Variants in SDK2 observed in about 807,000 individuals in gnomAD.
SDK2 encodes protein sidekick-2.
SDK2 carries 105 observed loss-of-function variants against 253.9 expected under a neutral mutation model. That is an observed-to-expected ratio of 0.41 (90% CI 0.35 to 0.49). The LOEUF (loss-of-function observed/expected upper bound fraction) is 0.49. Ranked by LOEUF, SDK2 falls within the 20% of genes least tolerant of loss-of-function variation. The probability of loss-of-function intolerance (pLI) is 0.06; values close to 1 mark genes in which losing one functional copy is unlikely to be tolerated. For synonymous variants in SDK2, 1,249 were observed against 1,234.9 expected (o/e 1.01, Z -0.24); for missense variants, 2,608 against 3,003.0 (o/e 0.87, Z 3.07).
chr17:73,581,720 C>A (rs924441546), intron 1 of SDK2, among the ~76,000 whole-genome samples: 1 of 152,256 alleles, frequency 6.6e-6, no homozygotes, highest in African/African-American at 2.4e-5. Context: ...GGGGAGGCAG[C>A]CCCTCTTCTG....
At chr17:73,577,078 G>C (rs886220597) in intron 1 of SDK2, among the ~76,000 whole-genome samples, 7 of 152,226 alleles carry the variant, frequency 4.6e-5, no homozygotes, top group Non-Finnish European at 8.8e-5. Context: ...GTCCAGGCTA[G>C]AGAAAGGACA....
chr17:73,491,019 T>G (rs1264650163), intron 2 of SDK2, among the ~76,000 whole-genome samples: 1 of 152,224 alleles, frequency 6.6e-6, no homozygotes, highest in Non-Finnish European at 1.5e-5. Context: ...CTTCTAGATT[T>G]TGTGCTCTTA....
chr17:73,390,448 G>T lies in SDK2; in HGVS notation c.4031C>A (p.Thr1344Lys). 1 of 1,612,516 alleles carries T rather than the reference G, an allele frequency of 6.2e-7. No homozygotes were observed. Among genetic ancestry groups the T allele is most frequent in the Non-Finnish European group, 8.5e-7 (1 of 1,179,240 alleles). The change falls in exon 29 of 45, where the codon ACG becomes AAG. Residue 1344 changes from threonine (T) to lysine (K), a missense_variant. Thr to Lys is a moderately conservative substitution (Grantham distance 78). Transcript: ENST00000392650. The part of the protein sequence containing the change: ...YQITHRLNTT[T>K]ANTATVEVLA... ...CACCTCCACAGTGGCGGTGTTGGCC[G>T]TGGTGGTGTTGAGCCGGTGTGTGAT...
intron 1 of SDK2, among the ~76,000 whole-genome samples, chr17:73,637,062 T>C (rs1456468847): frequency 2.0e-5 from 3 of 152,182 alleles, no homozygotes; most frequent in Non-Finnish European, 2.9e-5. Flanking sequence ...ACTGATCCTA[T>C]ACATACCACT....
intron 1 of SDK2, among the ~76,000 whole-genome samples, chr17:73,627,069 T>G (rs904147694): frequency 6.6e-6 from 1 of 152,202 alleles, no homozygotes; most frequent in Non-Finnish European, 1.5e-5. Context: ...TTGTATATTT[T>G]GAACCAACTC....
intron 1 of SDK2, among the ~76,000 whole-genome samples, chr17:73,526,049 C>T (rs1345643826): frequency 6.6e-6 from 1 of 152,224 alleles, no homozygotes; most frequent in Non-Finnish European, 1.5e-5. Flanking sequence ...CATCTGGCTG[C>T]TGCGGAGGCA....
chr17:73,580,565 G>A (rs2045521180), intron 1 of SDK2, among the ~76,000 whole-genome samples: 1 of 152,238 alleles, frequency 6.6e-6, no homozygotes, highest in Non-Finnish European at 1.5e-5. Flanking sequence ...AAGCTCAGAG[G>A]GACCCGTGCT....
chr17:73,553,606 A>C (rs978716139), intron 1 of SDK2, among the ~76,000 whole-genome samples: 3 of 151,922 alleles, frequency 2.0e-5, no homozygotes, highest in Non-Finnish European at 4.4e-5. Context: ...GCCCAGGGTC[A>C]CCCCTGAGCC....
At chr17:73,416,199 ATTT>A (rs55713710) in intron 16 of SDK2, among the ~76,000 whole-genome samples, 1 of 120,312 alleles carries the variant, frequency 8.3e-6, no homozygotes, top group Non-Finnish European at 1.7e-5. Flanking sequence ...AATGAATTCA[ATTT>A]TTTTTTTTTT....
At position 73,609,973 on chromosome 17, in the gene SDK2, C is replaced by A. The variant is rs931867392; in HGVS notation, c.64+34052G>T. ...TGCGGAGCTCAGCCAGGCAGCTGCA[C>A]GGGAAACAGGTGTCCTGCTGAACAA... On this transcript the variant is annotated intron_variant, in intron 1 of 44. Coordinates refer to ENST00000392650, the MANE Select transcript of SDK2 (RefSeq NM_001144952.2). The surrounding 1 kb of genome is among the most constrained non-coding windows in gnomAD (Gnocchi z 4.4). 6.6e-6 allele frequency among the ~76,000 whole-genome samples: 1 copy of A among 152,210 alleles called. No individual in the cohort carries two copies. Among genetic ancestry groups the A allele is most frequent in the Admixed American group, 6.5e-5 (1 of 15,288 alleles).
Position 73,395,122 on chromosome 17 carries a change from G to C in SDK2, c.3592+33C>G, listed in dbSNP as rs1319684159. The stretch of plus-strand genomic sequence containing the variant: ...GGCATAGAGACCAAGGAGGGGACAG[G>C]CAGCAGGGTGGCTGGGTGTGAGGGG... On this transcript the variant is annotated intron_variant, in intron 25 of 44. Transcript: ENST00000392650. The surrounding 1 kb of genome is among the most constrained non-coding windows in gnomAD (Gnocchi z 4.3). The C allele has an allele frequency of 1.3e-6, 2 of 1,522,640 alleles. No individual in the cohort carries two copies. The highest frequency in any genetic ancestry group is 1.9e-5 in the Admixed American group (1 of 51,688). 94.3% of individuals were successfully genotyped at this position (1,522,640 alleles called of 1,614,324 possible).
Position 73,614,525 on chromosome 17 carries a change from C to T in SDK2, c.64+29500G>A, listed in dbSNP as rs777696626. Among the ~76,000 whole-genome samples, 122 of 134,974 alleles carry T rather than the reference C, an allele frequency of 9.0e-4. 1 individual carries two copies. The highest frequency in any genetic ancestry group is 6.0e-4 in the Admixed American group (7 of 11,740). The allele number at this position is 134,974 out of a possible 152,430, so 88.5% of individuals were successfully genotyped here. Reference sequence around the variant, plus strand: ...GACACTTTGTATGTTGGGTACACAGCGACACAAAGATGGGAACAAAAGACA... The same window carrying T: ...GACACTTTGTATGTTGGGTACACAGTGACACAAAGATGGGAACAAAAGACA... On this transcript the variant is annotated intron_variant, in intron 1 of 44. Transcript: ENST00000392650.
chr17:73,644,215 G>A lies in SDK2; in HGVS notation c.-127C>T. ...GTCAGTCTACGCGGCTCCGTGCCCCGGGGTGTAATATGCCCGGGAGGGGCA... is the reference window on the plus strand; with the variant it reads ...GTCAGTCTACGCGGCTCCGTGCCCCAGGGTGTAATATGCCCGGGAGGGGCA... On this transcript the variant is annotated 5_prime_UTR_variant, in exon 1 of 45. Coordinates refer to ENST00000392650, the MANE Select transcript of SDK2 (RefSeq NM_001144952.2). This position sits in a 1 kb window ranked among gnomAD's most constrained non-coding sequence, Gnocchi z 6.3. 1 of 760,844 alleles carries A rather than the reference G, an allele frequency of 1.3e-6. No homozygotes were observed. Among genetic ancestry groups the A allele is most frequent in the Non-Finnish European group, 2.2e-6 (1 of 453,090 alleles). The allele number at this position is 760,844 out of a possible 1,614,324, so 47.1% of individuals were successfully genotyped here. A position where few individuals can be genotyped will look rare whatever the true frequency, so the allele number is the denominator to read the frequency against.
rs904063781 is a variant in SDK2 at position 73,381,941 on chromosome 17, G to A, written c.4706-991C>T. ...AAAAAACAAAAAACAAAAGCCGGGC[G>A]CAGTGACTCATGCCTGTAATCCCAG... On this transcript the variant is annotated intron_variant, in intron 33 of 44. Transcript: ENST00000392650. Among the ~76,000 whole-genome samples, 6 of 151,844 alleles carry A rather than the reference G, an allele frequency of 4.0e-5. No homozygotes were observed. The East Asian group carries it at 5.8e-4, about 15-fold the overall frequency.
At position 73,414,754 on chromosome 17, in the gene SDK2, T is replaced by C; in HGVS notation, c.2374A>G (p.Thr792Ala). Residue 792 changes from threonine to alanine, a missense_variant, in exon 18 of 45, where the codon ACG becomes GCG. Coordinates refer to ENST00000392650, the MANE Select transcript of SDK2 (RefSeq NM_001144952.2). Reference protein sequence around the residue: ...VTEWTLQGVPTVPPGNVHAEA... With the variant: ...VTEWTLQGVPAVPPGNVHAEA... The stretch of plus-strand genomic sequence containing the variant: ...GCGTGCACATTGCCCGGAGGGACCG[T>C]GGGAACTAGAGGAGATGAGAGAACG... 1 of 1,611,836 alleles carries C rather than the reference T, an allele frequency of 6.2e-7. No individual in the cohort carries two copies.
chr17:73,362,383 C>T (rs887802515), intron 38 of SDK2, among the ~76,000 whole-genome samples: 2 of 151,582 alleles, frequency 1.3e-5, no homozygotes, highest in East Asian at 1.9e-4. Flanking sequence ...TCACATGGCC[C>T]TCCAGCACCT....
At chr17:73,426,192 G>A (rs1003638925) in intron 12 of SDK2, among the ~76,000 whole-genome samples, 1 of 108,160 alleles carries the variant, frequency 9.2e-6, no homozygotes, top group East Asian at 2.7e-4. Context: ...TTACAGGCCT[G>A]CACCACCATG....
Position 73,352,700 on chromosome 17 carries a change from C to T in SDK2, c.5594-63G>A. The T allele has an allele frequency of 5.8e-6, 9 of 1,559,278 alleles. No individual in the cohort carries two copies. The highest frequency in any genetic ancestry group is 7.9e-6 in the Non-Finnish European group (9 of 1,138,288). On this transcript the variant is annotated intron_variant, in intron 40 of 44. Transcript: ENST00000392650. This position sits in a 1 kb window ranked among gnomAD's most constrained non-coding sequence, Gnocchi z 4.1. Reference sequence around the variant, plus strand: ...GGGAAGCCCCAAATCCCGCTCCCAGCCCCGTTCTGACTATGCTCCCTGAGG... The same window carrying T: ...GGGAAGCCCCAAATCCCGCTCCCAGTCCCGTTCTGACTATGCTCCCTGAGG...
chr17:73,491,219 C>T (rs892144010), intron 2 of SDK2, among the ~76,000 whole-genome samples: 1 of 152,118 alleles, frequency 6.6e-6, no homozygotes, highest in Non-Finnish European at 1.5e-5. Flanking sequence ...CTAACAGCAC[C>T]CTGACATGGC....
Sources: allele counts gnomAD v4.1 joint callset (sites outside exome capture counted in the v4.1 genomes callset), GRCh38; gene constraint gnomAD v4.1.1; non-coding constraint Gnocchi (gnomAD v3.1); transcripts MANE v1.5; gene names NCBI Gene and HGNC (gene_info 2026-07-23, HGNC 2026-07-21).